Variants in HOMER1 observed in about 807,000 individuals in gnomAD.
HOMER1 encodes the protein homer protein homolog 1.
HOMER1 carries 3 observed loss-of-function variants against 48.9 expected under a neutral mutation model. The observed-to-expected ratio is 0.06, with a 90% CI of 0.03 to 0.16. HOMER1 has a LOEUF of 0.16. Ranked by LOEUF, HOMER1 falls within the 10% of genes least tolerant of loss-of-function variation. The probability of loss-of-function intolerance (pLI) is 1.00; values close to 1 mark genes in which losing one functional copy is unlikely to be tolerated. For synonymous variants in HOMER1, 134 were observed against 146.4 expected (o/e 0.92, Z 0.61); for missense variants, 247 against 411.4 (o/e 0.60, Z 3.46).
At chr5:79,444,347 G>A (rs1750818987) in intron 4 of HOMER1, among the ~76,000 whole-genome samples, 1 of 152,128 alleles carries the variant, frequency 6.6e-6, no homozygotes, top group Admixed American at 6.5e-5. Flanking sequence ...GGGACTATAG[G>A]TGCATACCAT....
chr5:79,381,397 G>A (rs954032780), intron 8 of HOMER1, among the ~76,000 whole-genome samples: 3 of 152,196 alleles, frequency 2.0e-5, no homozygotes, highest in African/African-American at 7.2e-5. Flanking sequence ...AGAAGTGACT[G>A]TTAAACCAGA....
chr5:79,391,325 T>C (rs764004306), intron 8 of HOMER1, among the ~76,000 whole-genome samples: 19 of 151,786 alleles, frequency 1.3e-4, no homozygotes, highest in Non-Finnish European at 2.4e-4. Flanking sequence ...AGACAAGGTC[T>C]CACCATGTTG....
intron 1 of HOMER1, among the ~76,000 whole-genome samples, chr5:79,511,835 T>C (rs1030539037): frequency 7.2e-5 from 11 of 152,224 alleles, no homozygotes; most frequent in Admixed American, 5.9e-4. Flanking sequence ...GTCCATTCTT[T>C]AAAACATGCC....
At chr5:79,477,049 G>A (rs1299239982) in intron 1 of HOMER1, among the ~76,000 whole-genome samples, 1 of 152,136 alleles carries the variant, frequency 6.6e-6, no homozygotes. Context: ...ACAGGTCGGA[G>A]AGAAATTCTG....
chr5:79,437,235 G>C (rs1561363518), intron 5 of HOMER1, among the ~76,000 whole-genome samples: 1 of 152,196 alleles, frequency 6.6e-6, no homozygotes, highest in Non-Finnish European at 1.5e-5. Context: ...AAATGCTACA[G>C]TATTCCACAC....
chr5:79,471,853 T>C (rs772151680), intron 1 of HOMER1, among the ~76,000 whole-genome samples: 2 of 152,198 alleles, frequency 1.3e-5, no homozygotes, highest in Non-Finnish European at 2.9e-5. Flanking sequence ...TCAAGGCCTT[T>C]GCCTGGAGTG....
At chr5:79,506,364 T>G (rs1752767209) in intron 1 of HOMER1, among the ~76,000 whole-genome samples, 1 of 152,186 alleles carries the variant, frequency 6.6e-6, no homozygotes, top group South Asian at 2.1e-4. Context: ...CTTTTTTTCC[T>G]TTCTCAGACA....
At chr5:79,378,602 C>T (rs114939114) in intron 8 of HOMER1, among the ~76,000 whole-genome samples, 297 of 152,190 alleles carry the variant, frequency 2.0e-3, no homozygotes, top group Admixed American at 3.2e-3. Flanking sequence ...TGTAAAAATT[C>T]CACTCATGAC....
chr5:79,447,701 C>T (rs1750921964), intron 3 of HOMER1, among the ~76,000 whole-genome samples: 1 of 151,996 alleles, frequency 6.6e-6, no homozygotes, highest in South Asian at 2.1e-4. Context: ...TGTACAGCAG[C>T]AGAAAGGAAT....
At chr5:79,397,892 T>C (rs1749429700) in intron 6 of HOMER1, 2 of 248,140 alleles carry the variant, frequency 8.1e-6, no homozygotes, top group South Asian at 1.4e-4. Context: ...TTAATGACAG[T>C]AGAGAATCCC....
chr5:79,426,544 C>T (rs193268192), intron 5 of HOMER1, among the ~76,000 whole-genome samples: 23 of 151,678 alleles, frequency 1.5e-4, no homozygotes, highest in Non-Finnish European at 2.4e-4. Context: ...ATAAGCCATG[C>T]GCAGAAAGAC....
chr5:79,379,322 ATATT>A (rs1239677477), intron 8 of HOMER1, among the ~76,000 whole-genome samples: 2 of 107,922 alleles, frequency 1.9e-5, no homozygotes, highest in Non-Finnish European at 3.4e-5. Flanking sequence ...AAATATATAA[ATATT>A]TATATATATT....
intron 8 of HOMER1, among the ~76,000 whole-genome samples, chr5:79,386,695 A>T (rs1749118896): frequency 6.6e-6 from 1 of 152,216 alleles, no homozygotes; most frequent in South Asian, 2.1e-4. Context: ...ATCATTACAC[A>T]GTCTACACAT....
At chr5:79,473,322 TTC>T (rs1751672723) in intron 1 of HOMER1, among the ~76,000 whole-genome samples, 1 of 152,178 alleles carries the variant, frequency 6.6e-6, no homozygotes, top group Admixed American at 6.5e-5. Context: ...ACATTTGTGA[TTC>T]TTTTTTTGTT....
intron 1 of HOMER1, among the ~76,000 whole-genome samples, chr5:79,497,059 CAAAAA>C (rs5868996): frequency 2.8e-4 from 15 of 52,784 alleles, no homozygotes; most frequent in African/African-American, 4.7e-4. Context: ...GACTTTGTCT[CAAAAA>C]AAAAAAAAAA....
At chr5:79,486,039 T>C (rs1752090893) in intron 1 of HOMER1, among the ~76,000 whole-genome samples, 1 of 152,132 alleles carries the variant, frequency 6.6e-6, no homozygotes, top group South Asian at 2.1e-4. Flanking sequence ...TACTCACTCT[T>C]AGAACCCAGC....
intron 1 of HOMER1, among the ~76,000 whole-genome samples, chr5:79,467,391 C>CAAAAAAAAAA (rs71767032): frequency 1.9e-5 from 1 of 51,634 alleles, no homozygotes; most frequent in Non-Finnish European, 3.8e-5. Context: ...AACTCCATCT[C>CAAAAAAAAAA]AAAAAAAAAA....
chr5:79,459,008 G>GT (rs1191885034), intron 1 of HOMER1, among the ~76,000 whole-genome samples: 4 of 152,134 alleles, frequency 2.6e-5, no homozygotes, highest in Admixed American at 2.6e-4. Context: ...GGAGTGGCTA[G>GT]TTACAAGTCA....
chr5:79,431,079 C>A (rs1318703177), intron 5 of HOMER1, among the ~76,000 whole-genome samples: 2 of 152,134 alleles, frequency 1.3e-5, no homozygotes, highest in African/African-American at 2.4e-5. Context: ...ACCTGTAATC[C>A]CAGCACTTTG....
Sources: allele counts gnomAD v4.1 joint callset (sites outside exome capture counted in the v4.1 genomes callset), GRCh38; gene constraint gnomAD v4.1.1; transcripts MANE v1.5; gene names NCBI Gene and HGNC (gene_info 2026-07-23, HGNC 2026-07-21).